Variants in ARFGEF1 observed in about 807,000 individuals in gnomAD.
ARFGEF1 encodes the protein ARF guanine nucleotide exchange factor 1.
A neutral mutation model predicts 231.0 loss-of-function variants in ARFGEF1; 42 were observed. The observed-to-expected ratio is 0.18, with a 90% CI of 0.14 to 0.24. The LOEUF is 0.24. ARFGEF1 is among the 10% of genes least tolerant of loss of function. ARFGEF1 has a pLI of 1.00. For missense variants in ARFGEF1, 1,345 were observed against 2,192.0 expected, an observed-to-expected ratio of 0.61 and a Z score of 7.72; for synonymous variants, 710 against 732.3, an observed-to-expected ratio of 0.97 and a Z score of 0.49.
intron 7 of ARFGEF1, among the ~76,000 whole-genome samples, chr8:67,285,450 G>A (rs192708621): frequency 1.3e-5 from 2 of 152,218 alleles, no homozygotes; most frequent in Admixed American, 1.3e-4. Flanking sequence ...CCAAGAGACC[G>A]AGGGTGCAGT....
intron 1 of ARFGEF1, among the ~76,000 whole-genome samples, chr8:67,304,825 A>G (rs1241527303): frequency 1.3e-5 from 2 of 152,188 alleles, no homozygotes; most frequent in African/African-American, 4.8e-5. Flanking sequence ...TGTCAAAAAT[A>G]AATAAAATAA....
At chr8:67,337,785 C>T (rs2128937638) in intron 1 of ARFGEF1, among the ~76,000 whole-genome samples, 1 of 152,322 alleles carries the variant, frequency 6.6e-6, no homozygotes, top group Middle Eastern at 3.4e-3. Flanking sequence ...TTCCCTTTAA[C>T]CTTCTGAACT....
chr8:67,282,162 C>A (rs1805563130), intron 7 of ARFGEF1, among the ~76,000 whole-genome samples: 1 of 151,828 alleles, frequency 6.6e-6, no homozygotes, highest in South Asian at 2.1e-4. Context: ...AAGAGGGAGG[C>A]CTTGCACTAT....
At chr8:67,289,959 C>T (rs1223703209) in intron 6 of ARFGEF1, among the ~76,000 whole-genome samples, 2 of 152,130 alleles carry the variant, frequency 1.3e-5, no homozygotes, top group South Asian at 2.1e-4. Context: ...TCAATTTTCA[C>T]ATAAGTATCT....
At position 67,287,952 on chromosome 8, in the gene ARFGEF1, T is replaced by C. The variant is rs771522909; in HGVS notation, c.1027+3A>G. 77 of 1,568,420 alleles carry C rather than the reference T, an allele frequency of 4.9e-5. No homozygotes were observed. The highest frequency in any genetic ancestry group is 6.4e-5 in the Non-Finnish European group (74 of 1,159,734). On this transcript the variant is annotated splice_donor_region_variant and intron_variant, in intron 7 of 38. Transcript: ENST00000262215. ...TAAAATAATTTTGAATGAAGTATAC[T>C]ACCTCCAACAACAATGTTCACCATT... is the stretch of plus-strand genomic sequence containing the variant.
intron 29 of ARFGEF1, among the ~76,000 whole-genome samples, chr8:67,220,902 T>C (rs1018957675): frequency 7.3e-5 from 11 of 151,694 alleles, no homozygotes; most frequent in African/African-American, 2.7e-4. Flanking sequence ...CTTTTCTTTT[T>C]TTTTTTTTTT....
intron 8 of ARFGEF1, 115 bp downstream of exon 8, chr8:67,277,167 C>T (rs1478011966): frequency 9.3e-7 from 1 of 1,075,638 alleles, no homozygotes; most frequent in African/African-American, 1.6e-5. Flanking sequence ...TTTCCCCAAA[C>T]TAAATAAAAA....
intron 29 of ARFGEF1, among the ~76,000 whole-genome samples, 157 bp downstream of exon 29, chr8:67,224,746 C>A (rs1339027112): frequency 6.6e-6 from 1 of 151,946 alleles, no homozygotes; most frequent in African/African-American, 2.4e-5. Context: ...ATTTTTAAAT[C>A]ATATTAACAT....
rs753052327 is a variant in ARFGEF1 at position 67,228,113 on chromosome 8, G to C, written c.3441C>G (p.Leu1147=). The C allele has an allele frequency of 6.2e-7, 1 of 1,610,544 alleles. No homozygotes were observed. The highest frequency in any genetic ancestry group is 1.1e-5 in the South Asian group (1 of 90,248). ...GTAATTCATCCATAGACACAGCACA[G>C]AGCCAACGGACAAAATCCACTGTAA... ...GNAIVDFVRW[L]CAVSMDELLS... The change falls in exon 25 of 39, where the codon CTC becomes CTG. Residue 1147 remains leucine, a synonymous_variant. Coordinates refer to ENST00000262215, the MANE Select transcript of ARFGEF1 (RefSeq NM_006421.5).
intron 1 of ARFGEF1, among the ~76,000 whole-genome samples, chr8:67,303,998 A>G (rs1806621668): frequency 6.6e-6 from 1 of 152,212 alleles, no homozygotes; most frequent in African/African-American, 2.4e-5. Context: ...GCTTGGACGT[A>G]TGGCTAATCA....
In ARFGEF1 at chr8:67,208,025, A is replaced by G. The variant is rs117312506; in HGVS notation, c.4820-3206T>C. On this transcript the variant is annotated intron_variant, in intron 34 of 38. Coordinates refer to ENST00000262215, the MANE Select transcript of ARFGEF1 (RefSeq NM_006421.5). ...CCCTCACAAAGCTAAGTGTGTTTAAATTCAGTCTTGAGGCTGAGAGTGAGA... is the reference window on the plus strand; with the variant it reads ...CCCTCACAAAGCTAAGTGTGTTTAAGTTCAGTCTTGAGGCTGAGAGTGAGA... Among the ~76,000 whole-genome samples the G allele has an allele frequency of 1.4e-4, 21 of 152,294 alleles. No homozygotes were observed. The East Asian group carries it at 3.9e-3, about 28-fold the overall frequency.
chr8:67,259,693 T>C (rs951118681), intron 15 of ARFGEF1, 122 bp downstream of exon 15: 37 of 577,126 alleles, frequency 6.4e-5, no homozygotes, highest in East Asian at 3.4e-4. Context: ...GGCAGGAGGA[T>C]TGCCTGAGCC....
intron 1 of ARFGEF1, among the ~76,000 whole-genome samples, chr8:67,320,964 A>T (rs1807562563): frequency 6.6e-6 from 1 of 152,214 alleles, no homozygotes; most frequent in African/African-American, 2.4e-5. Flanking sequence ...TCAAAAAAAA[A>T]ATCAAACAAA....
At chr8:67,231,258 A>T (rs1275698189) in intron 23 of ARFGEF1, among the ~76,000 whole-genome samples, 2 of 152,152 alleles carry the variant, frequency 1.3e-5, no homozygotes, top group African/African-American at 4.8e-5. Flanking sequence ...ATACAACATT[A>T]TAAGAGATCA....
intron 14 of ARFGEF1, among the ~76,000 whole-genome samples, chr8:67,260,491 A>T (rs1205650150): frequency 1.3e-5 from 2 of 152,076 alleles, no homozygotes; most frequent in African/African-American, 4.8e-5. Context: ...GTGATCAGTG[A>T]CCTTTGATGT....
chr8:67,341,753 CT>C (rs1415103622), intron 1 of ARFGEF1, among the ~76,000 whole-genome samples: 1 of 152,160 alleles, frequency 6.6e-6, no homozygotes, highest in Non-Finnish European at 1.5e-5. Flanking sequence ...CTTTCAGGAT[CT>C]AGATATAAAT....
At position 67,287,966 on chromosome 8, in the gene ARFGEF1, A is replaced by G. The variant is rs1805829753; in HGVS notation, c.1016T>C (p.Ile339Thr). Reference protein sequence around the residue: ...VQNIVEEMVNIVVGDMGEGTT... With the variant: ...VQNIVEEMVNTVVGDMGEGTT... ...ATGAAGTATACTACCTCCAACAACA[A>G]TGTTCACCATTTCTTCTACAATGTT... The change falls in exon 7 of 39, where the codon ATT becomes ACT. Residue 339 changes from isoleucine to threonine, a missense_variant. Coordinates refer to ENST00000262215, the MANE Select transcript of ARFGEF1 (RefSeq NM_006421.5). The G allele has an allele frequency of 1.9e-6, 3 of 1,583,864 alleles. No homozygotes were observed. The highest frequency in any genetic ancestry group is 2.6e-6 in the Non-Finnish European group (3 of 1,169,604).
chr8:67,339,336 T>C (rs1587354109), intron 1 of ARFGEF1, among the ~76,000 whole-genome samples: 1 of 152,236 alleles, frequency 6.6e-6, no homozygotes, highest in Admixed American at 6.5e-5. Context: ...TCACTCTTAT[T>C]GTGTATCAGT....
chr8:67,225,093 C>G, intron 28 of ARFGEF1, 60 bp from the exon 29 acceptor site: 4 of 1,380,846 alleles, frequency 2.9e-6, no homozygotes, highest in Non-Finnish European at 3.8e-6. Context: ...ATTCAGTATA[C>G]TAACTTCTCA....
Sources: gnomAD v4.1 joint callset for allele counts (sites outside exome capture counted in the v4.1 genomes callset) on GRCh38, gnomAD v4.1.1 for gene constraint, MANE v1.5 for transcripts, NCBI Gene and HGNC (gene_info 2026-07-23, HGNC 2026-07-21) for gene names.